Variants in ZNF710 observed in about 807,000 individuals in gnomAD.
ZNF710 encodes zinc finger protein 710.
A neutral mutation model predicts 50.6 loss-of-function variants in ZNF710; 13 were observed. The observed-to-expected ratio is 0.26, with a 90% CI of 0.17 to 0.41. The LOEUF (loss-of-function observed/expected upper bound fraction) is 0.41. ZNF710 is among the 10% of genes least tolerant of loss of function. The pLI, the probability that ZNF710 is intolerant of heterozygous loss-of-function variation, is 1.00. For missense variants in ZNF710, 721 were observed against 936.6 expected (o/e 0.77, Z 3.01); for synonymous variants, 383 against 397.0 (o/e 0.96, Z 0.42).
At position 90,034,427 on chromosome 15, in the gene ZNF710, C is replaced by CGTGTGTGTGT. The variant is rs1280140194; in HGVS notation, c.-28-32683_-28-32682insGTGTGTGTGT. Among the ~76,000 whole-genome samples, 211 of 113,688 alleles carry CGTGTGTGTGT rather than the reference C, an allele frequency of 1.9e-3. 2 individuals are homozygous for CGTGTGTGTGT. Among genetic ancestry groups the CGTGTGTGTGT allele is most frequent in the Non-Finnish European group, 1.3e-3 (74 of 55,818 alleles). 74.6% of individuals were successfully genotyped at this position (113,688 alleles called of 152,430 possible). ...CAGCTGTCCTTCCTGTTTCCAAATTCCTGTGTGTGTGTGTGTGTGTGTGTG... is the reference window on the plus strand; with the variant it reads ...CAGCTGTCCTTCCTGTTTCCAAATTCGTGTGTGTGTCTGTGTGTGTGTGTGTGTGTGTGTG... On this transcript the variant is annotated intron_variant, in intron 1 of 4. Coordinates refer to ENST00000268154, the MANE Select transcript of ZNF710 (RefSeq NM_198526.4). The surrounding 1 kb of genome is among the most constrained non-coding windows in gnomAD (Gnocchi z 4.0).
At chr15:90,073,011 G>C in intron 2 of ZNF710, 60 bp from the exon 3 acceptor site, 1 of 1,555,684 alleles carries the variant, frequency 6.4e-7, no homozygotes, top group Non-Finnish European at 8.8e-7. Context: ...TCCCCACAAA[G>C]GGTCACTGCC....
intron 1 of ZNF710, among the ~76,000 whole-genome samples, chr15:90,043,424 C>T (rs1355230168): frequency 6.6e-6 from 1 of 152,254 alleles, no homozygotes; most frequent in Non-Finnish European, 1.5e-5. Flanking sequence ...AGGGAGCAGC[C>T]GACCCTGTAA....
At chr15:90,079,545 T>C in intron 4 of ZNF710, 115 bp from the exon 5 acceptor site, 1 of 1,329,118 alleles carries the variant, frequency 7.5e-7, no homozygotes, top group East Asian at 2.4e-5. Flanking sequence ...CTGAGACTCC[T>C]GGAGGCCGTG....
intron 1 of ZNF710, among the ~76,000 whole-genome samples, chr15:90,055,302 G>C (rs936755809): frequency 1.2e-4 from 18 of 152,214 alleles, no homozygotes; most frequent in African/African-American, 4.3e-4. Context: ...GCTGAAGGGA[G>C]AGGAATGAGG....
chr15:90,044,776 C>G (rs908385054), intron 1 of ZNF710, among the ~76,000 whole-genome samples: 13 of 152,166 alleles, frequency 8.5e-5, no homozygotes, highest in Admixed American at 2.6e-4. Flanking sequence ...ATTTACTTTA[C>G]CTGTTAAAGC....
intron 1 of ZNF710, among the ~76,000 whole-genome samples, chr15:90,024,737 G>T (rs1388139772): frequency 6.6e-6 from 1 of 152,200 alleles, no homozygotes; most frequent in Non-Finnish European, 1.5e-5. Flanking sequence ...AGGGTGGGCA[G>T]GTAGGTCTCC....
In ZNF710 at chr15:90,067,817, GT is replaced by G; in HGVS notation, c.681del (p.Ser227ArgfsTer85). 1 of 1,583,190 alleles carries G rather than the reference GT, an allele frequency of 6.3e-7. No individual in the cohort carries two copies. The highest frequency in any genetic ancestry group is 1.1e-5 in the South Asian group (1 of 87,454). Reference sequence around the variant, plus strand: ...GAGCCACCCCACCTGGCCCCCCTGAGTGACCCCGAGGCCCCCAGCATGGAGT... The same window carrying G: ...GAGCCACCCCACCTGGCCCCCCTGAGGACCCCGAGGCCCCCAGCATGGAGT... Reference protein sequence around the residue: ...GFEPPHLAPLSDPEAPSMESP... With the variant: ...GFEPPHLAPLXDPEAPSMESP... On this transcript the variant is annotated frameshift_variant, in exon 2 of 5. Transcript: ENST00000268154. LOFTEE classifies it high-confidence loss of function. The surrounding 1 kb of genome is among the most constrained non-coding windows in gnomAD (Gnocchi z 8.1).
intron 1 of ZNF710, among the ~76,000 whole-genome samples, chr15:90,055,082 C>T (rs1383536062): frequency 6.6e-6 from 1 of 152,204 alleles, no homozygotes; most frequent in Non-Finnish European, 1.5e-5. Flanking sequence ...TGTAATCTAA[C>T]TGGGATGCCA....
intron 1 of ZNF710, among the ~76,000 whole-genome samples, chr15:90,048,241 G>C (rs1476684437): frequency 6.6e-6 from 1 of 152,234 alleles, no homozygotes; most frequent in Non-Finnish European, 1.5e-5. Flanking sequence ...GTAAACTGCA[G>C]AGGGCTGTAG....
At chr15:90,003,175 A>G (rs1300031995) in intron 1 of ZNF710, among the ~76,000 whole-genome samples, 1 of 152,154 alleles carries the variant, frequency 6.6e-6, no homozygotes, top group Non-Finnish European at 1.5e-5. Flanking sequence ...TACTCGTCCT[A>G]CTGGGTCTGA....
intron 1 of ZNF710, among the ~76,000 whole-genome samples, chr15:90,041,892 A>ATTTTTTT (rs71151548): frequency 2.7e-5 from 3 of 110,600 alleles, no homozygotes; most frequent in African/African-American, 3.5e-5. Context: ...TTTGTTTTTG[A>ATTTTTTT]TTTTTTTTTT....
chr15:89,999,537 G>GTTAA (rs377044007), upstream of ZNF710, among the ~76,000 whole-genome samples: 224 of 152,340 alleles, frequency 1.5e-3, 1 homozygote, highest in African/African-American at 5.1e-3. Context: ...GGGTGCTGAT[G>GTTAA]TTAAAAGACC....
At chr15:90,043,513 G>C (rs2151498426) in intron 1 of ZNF710, among the ~76,000 whole-genome samples, 1 of 152,388 alleles carries the variant, frequency 6.6e-6, no homozygotes, top group South Asian at 2.1e-4. Context: ...TTTCGGGGAA[G>C]CCTTTACAGC....
At chr15:90,015,757 T>C (rs1352058670) in intron 1 of ZNF710, among the ~76,000 whole-genome samples, 1 of 152,026 alleles carries the variant, frequency 6.6e-6, no homozygotes, top group Admixed American at 6.6e-5. Flanking sequence ...CCGTAAATAC[T>C]GAGAAAACCC....
intron 1 of ZNF710, among the ~76,000 whole-genome samples, chr15:90,009,404 C>T (rs993943644): frequency 6.6e-6 from 1 of 152,160 alleles, no homozygotes; most frequent in Non-Finnish European, 1.5e-5. Context: ...TGGCTCCATT[C>T]TGTAGCTGCA....
chr15:90,061,342 CA>C (rs948106516), intron 1 of ZNF710, among the ~76,000 whole-genome samples: 6 of 144,208 alleles, frequency 4.2e-5, no homozygotes, highest in African/African-American at 1.8e-4. Context: ...CTAATTTTTG[CA>C]TTTTTTTTTG....
rs192932519 is a variant in ZNF710, at chr15:90,027,293, G to A, written c.-29+25679G>A. Among the ~76,000 whole-genome samples the A allele has an allele frequency of 3.3e-3, 503 of 151,898 alleles. 1 individual carries two copies. Among genetic ancestry groups the A allele is most frequent in the African/African-American group, 0.011 (467 of 41,470 alleles). On this transcript the variant is annotated intron_variant, in intron 1 of 4. Transcript: ENST00000268154. ...TGGCGAGATCTCAGCTCACTGCAATGTCCAACTCCTGGGTTCAAGCGATTC... is the reference window on the plus strand; with the variant it reads ...TGGCGAGATCTCAGCTCACTGCAATATCCAACTCCTGGGTTCAAGCGATTC...
chr15:90,029,623 T>C (rs921041434), intron 1 of ZNF710, among the ~76,000 whole-genome samples: 9 of 151,880 alleles, frequency 5.9e-5, no homozygotes, highest in Admixed American at 5.9e-4. Context: ...TTTTGTTCTG[T>C]TTTGTTTTTG....
At chr15:90,056,675 C>T (rs977110838) in intron 1 of ZNF710, among the ~76,000 whole-genome samples, 3 of 152,230 alleles carry the variant, frequency 2.0e-5, no homozygotes, top group Non-Finnish European at 2.9e-5. Flanking sequence ...ATGTGAGCTG[C>T]GAGGTGGGAG....
Sources: allele counts gnomAD v4.1 joint callset (sites outside exome capture counted in the v4.1 genomes callset), GRCh38; gene constraint gnomAD v4.1.1; non-coding constraint Gnocchi (gnomAD v3.1); transcripts MANE v1.5; gene names NCBI Gene and HGNC (gene_info 2026-07-23, HGNC 2026-07-21).